The following ARID5B variants were observed in gnomAD, a reference collection of about 807,000 sequenced individuals.
ARID5B encodes the protein AT-rich interaction domain 5B.
Under a neutral mutation model 97.2 loss-of-function variants are expected in ARID5B, and 13 were observed. The ratio of observed to expected loss-of-function variants is 0.13; its 90% CI spans 0.09 to 0.21. The LOEUF is 0.21. Ranked by LOEUF, ARID5B falls within the 10% of genes least tolerant of loss-of-function variation. The pLI is 1.00. For missense variants in ARID5B, 1,210 were observed against 1,465.3 expected (o/e 0.83, Z 2.84); for synonymous variants, 556 against 570.3 (o/e 0.97, Z 0.36).
intron 2 of ARID5B, among the ~76,000 whole-genome samples, chr10:61,912,797 C>T (rs1052286172): frequency 6.6e-6 from 1 of 151,852 alleles, no homozygotes; most frequent in Non-Finnish European, 1.5e-5. Flanking sequence ...GTCTCGCATG[C>T]TACAGAGATA....
chr10:61,909,651 A>G (rs17173569), intron 2 of ARID5B, among the ~76,000 whole-genome samples: 1,625 of 152,274 alleles, frequency 0.011, 31 homozygotes, highest in African/African-American at 0.036. Context: ...TGAGTGACTG[A>G]ACGACATAAT....
intron 4 of ARID5B, among the ~76,000 whole-genome samples, chr10:62,003,889 T>C (rs1839114120): frequency 6.6e-6 from 1 of 152,212 alleles, no homozygotes; most frequent in African/African-American, 2.4e-5. Context: ...ATAACAAGTT[T>C]AATTGAACAA....
chr10:61,951,032 G>A (rs1320244027), intron 3 of ARID5B, among the ~76,000 whole-genome samples: 1 of 152,170 alleles, frequency 6.6e-6, no homozygotes, highest in African/African-American at 2.4e-5. Flanking sequence ...TAATCTGTTA[G>A]AGTACTTTTA....
chr10:61,905,922 T>A (rs1287682743), intron 2 of ARID5B, among the ~76,000 whole-genome samples: 1 of 152,228 alleles, frequency 6.6e-6, no homozygotes, highest in Non-Finnish European at 1.5e-5. Flanking sequence ...TATACACCAA[T>A]GCCTTCATAT....
intron 2 of ARID5B, among the ~76,000 whole-genome samples, chr10:61,912,757 C>T (rs1041228624): frequency 3.7e-4 from 50 of 134,072 alleles, no homozygotes; most frequent in African/African-American, 1.3e-3. Flanking sequence ...CACATATATA[C>T]ATACTTTTTT....
intron 4 of ARID5B, among the ~76,000 whole-genome samples, chr10:62,050,555 T>G (rs1390545551): frequency 6.6e-6 from 1 of 152,210 alleles, no homozygotes; most frequent in East Asian, 1.9e-4. Context: ...AAAGCCTGGC[T>G]CAGTTTTTCA....
In ARID5B at chr10:62,096,499, T is replaced by C. The variant is rs1360053071; in HGVS notation, c.*3469T>C. On this transcript the variant is annotated 3_prime_UTR_variant, in exon 10 of 10. Coordinates refer to ENST00000279873, the MANE Select transcript of ARID5B (RefSeq NM_032199.3). ...CAATGATTATCTTGAGCACTTAAAG[T>C]CCAGTGTTGGCTGTTAGTGTATTTG... 4.3e-6 allele frequency: 1 copy of C among 233,314 alleles called. No individual in the cohort carries two copies. Among genetic ancestry groups the C allele is most frequent in the African/African-American group, 2.2e-5 (1 of 45,352 alleles). 14.5% of individuals were successfully genotyped at this position (233,314 alleles called of 1,614,324 possible).
chr10:61,928,901 G>A (rs1844154807), intron 2 of ARID5B, among the ~76,000 whole-genome samples: 1 of 152,148 alleles, frequency 6.6e-6, no homozygotes, highest in African/African-American at 2.4e-5. Context: ...GAACAGTTGG[G>A]CAAACTGGTA....
At chr10:62,080,977 C>T (rs1323152630) in intron 8 of ARID5B, among the ~76,000 whole-genome samples, 3 of 152,076 alleles carry the variant, frequency 2.0e-5, no homozygotes, top group Non-Finnish European at 4.4e-5. Flanking sequence ...CACGTACCAC[C>T]ATGCCTGGCT....
chr10:62,091,897 A>G lies in ARID5B; in HGVS notation c.2434A>G (p.Lys812Glu), dbSNP rs752194887. The G allele has an allele frequency of 6.2e-7, 1 of 1,613,990 alleles. No homozygotes were observed. Among genetic ancestry groups the G allele is most frequent in the African/African-American group, 1.3e-5 (1 of 74,896 alleles). Residue 812 changes from lysine to glutamate, a missense_variant, in exon 10 of 10, where the codon AAA (lysine) becomes GAA (glutamate). By Grantham distance (56) the Lys-to-Glu change is moderately conservative. Transcript: ENST00000279873. Reference sequence around the variant, plus strand: ...GCAAGAAATTCAGGAGGGCAAGGATAAACTCTTAGAGAAAAGGGCCCTCCC... The same window carrying G: ...GCAAGAAATTCAGGAGGGCAAGGATGAACTCTTAGAGAAAAGGGCCCTCCC... The part of the protein sequence containing the change: ...LKQEIQEGKD[K>E]LLEKRALPHS...
At chr10:62,083,854 G>C (rs1348400078) in intron 8 of ARID5B, among the ~76,000 whole-genome samples, 2 of 150,184 alleles carry the variant, frequency 1.3e-5, no homozygotes, top group Admixed American at 1.3e-4. Flanking sequence ...AAAGGAATTG[G>C]GGGGAATGTT....
chr10:61,981,077 CA>C (rs913578498), intron 3 of ARID5B, among the ~76,000 whole-genome samples: 1 of 152,202 alleles, frequency 6.6e-6, no homozygotes, highest in African/African-American at 2.4e-5. Context: ...TCACCTTGAA[CA>C]GGTTGCTTAA....
chr10:61,905,130 A>C (rs1445554199), intron 2 of ARID5B, among the ~76,000 whole-genome samples: 4 of 152,228 alleles, frequency 2.6e-5, no homozygotes, highest in Non-Finnish European at 1.5e-5. Context: ...TGCCATTTGC[A>C]ATGTGTAACT....
In ARID5B at chr10:62,092,102, A is replaced by G; in HGVS notation, c.2639A>G (p.His880Arg). 6.2e-7 allele frequency: 1 copy of G among 1,612,850 alleles called. No individual in the cohort carries two copies. The highest frequency in any genetic ancestry group is 8.5e-7 in the Non-Finnish European group (1 of 1,179,606). ...FPSHRHQEKL[H>R]VNYLTSLHLQ... Reference sequence around the variant, plus strand: ...TCCCACAGACACCAAGAAAAGCTCCATGTAAATTATCTCACGTCCCTGCAC... The same window carrying G: ...TCCCACAGACACCAAGAAAAGCTCCGTGTAAATTATCTCACGTCCCTGCAC... Residue 880 changes from histidine to arginine, a missense_variant, in exon 10 of 10, where the codon CAT (histidine) becomes CGT (arginine). Coordinates refer to ENST00000279873, the MANE Select transcript of ARID5B (RefSeq NM_032199.3).
At chr10:62,055,396 T>G (rs1268642126) in intron 5 of ARID5B, among the ~76,000 whole-genome samples, 1 of 152,166 alleles carries the variant, frequency 6.6e-6, no homozygotes, top group African/African-American at 2.4e-5. Flanking sequence ...TCATTCGGGT[T>G]TTAAGTTTGA....
intron 3 of ARID5B, among the ~76,000 whole-genome samples, chr10:61,982,125 A>G (rs1803776447): frequency 6.6e-6 from 1 of 152,210 alleles, no homozygotes; most frequent in African/African-American, 2.4e-5. Flanking sequence ...ACTTGGGGTT[A>G]GATTAGAGCT....
chr10:61,927,259 C>T (rs1037500778), intron 2 of ARID5B, among the ~76,000 whole-genome samples: 25 of 152,194 alleles, frequency 1.6e-4, no homozygotes, highest in African/African-American at 5.8e-4. Flanking sequence ...AGCATCCTAA[C>T]TACCCTATGT....
chr10:62,073,658 C>T (rs1840093348), intron 8 of ARID5B, among the ~76,000 whole-genome samples: 1 of 152,162 alleles, frequency 6.6e-6, no homozygotes, highest in African/African-American at 2.4e-5. Flanking sequence ...GGCTCCTGGC[C>T]ATAGTCCATT....
At chr10:62,052,752 G>C (rs570714944) in intron 5 of ARID5B, among the ~76,000 whole-genome samples, 6 of 152,294 alleles carry the variant, frequency 3.9e-5, no homozygotes, top group Non-Finnish European at 7.4e-5. Context: ...AGTCAGTCCT[G>C]GGTTTTCTAA....
Sources: gnomAD v4.1 joint callset for allele counts (sites outside exome capture counted in the v4.1 genomes callset) on GRCh38, gnomAD v4.1.1 for gene constraint, MANE v1.5 for transcripts, NCBI Gene and HGNC (gene_info 2026-07-23, HGNC 2026-07-21) for gene names.